Variants in ENKUR observed in about 807,000 individuals in gnomAD.
ENKUR encodes the protein enkurin.
A neutral mutation model predicts 27.6 loss-of-function variants in ENKUR; 19 were observed. That is an observed-to-expected ratio of 0.69 (90% CI 0.48 to 1.01). ENKUR has a LOEUF of 1.01. Ranked by LOEUF, ENKUR falls within the 50% of genes least tolerant of loss-of-function variation. The probability of loss-of-function intolerance (pLI) is 0.00; values close to 1 mark genes in which losing one functional copy is unlikely to be tolerated. For missense variants in ENKUR, 312 were observed against 310.5 expected (o/e 1.00, Z -0.04); for synonymous variants, 117 against 96.9 (o/e 1.21, Z -1.22).
intron 2 of ENKUR, chr10:25,023,821 C>T (rs773887054): frequency 6.8e-6 from 11 of 1,614,106 alleles, no homozygotes; most frequent in Middle Eastern, 1.7e-4. Flanking sequence ...GTATGATGCT[C>T]GTGTTTTCTG....
In ENKUR at chr10:24,988,058, T is replaced by C. The variant is rs186931276; in HGVS notation, c.594+2405A>G. Among the ~76,000 whole-genome samples, 657 of 151,494 alleles carry C rather than the reference T, an allele frequency of 4.3e-3. 4 individuals carry two copies. Among genetic ancestry groups the C allele is most frequent in the Non-Finnish European group, 7.6e-3 (517 of 67,896 alleles). Reference sequence around the variant, plus strand: ...CAACACAGCGAAACCCCATCTTTACTAAAAAATACAAAAAAATTAGGTGGG... The same window carrying C: ...CAACACAGCGAAACCCCATCTTTACCAAAAAATACAAAAAAATTAGGTGGG... On this transcript the variant is annotated intron_variant, in intron 4 of 5. Transcript: ENST00000331161.
chr10:25,053,416 T>A (rs1216745417), intron 2 of ENKUR, among the ~76,000 whole-genome samples: 2 of 152,196 alleles, frequency 1.3e-5, no homozygotes, highest in Admixed American at 1.3e-4. Flanking sequence ...TAACTGAAAC[T>A]GCACCCTTTG....
intron 3 of ENKUR, among the ~76,000 whole-genome samples, chr10:24,995,298 G>C (rs1850021953): frequency 6.6e-6 from 1 of 152,282 alleles, no homozygotes; most frequent in Non-Finnish European, 1.5e-5. Flanking sequence ...CCATCTGACA[G>C]CTTATTCCTT....
At chr10:25,051,558 G>A (rs985054564) in intron 2 of ENKUR, among the ~76,000 whole-genome samples, 2 of 152,244 alleles carry the variant, frequency 1.3e-5, no homozygotes, top group South Asian at 2.1e-4. Flanking sequence ...GGACAGGAGA[G>A]GTGCCACGCA....
intron 3 of ENKUR, among the ~76,000 whole-genome samples, chr10:24,993,877 G>A (rs1849980964): frequency 6.6e-6 from 1 of 152,174 alleles, no homozygotes; most frequent in African/African-American, 2.4e-5. Flanking sequence ...GTGGTGGCAT[G>A]ACCAGTAAAG....
intron 1 of ENKUR, among the ~76,000 whole-genome samples, chr10:25,003,177 A>ATTTATTTATTT (rs1564340716): frequency 6.9e-6 from 1 of 145,064 alleles, no homozygotes; most frequent in African/African-American, 2.5e-5. Context: ...TTAATTAATT[A>ATTTATTTATTT]ATTAATTTAT....
intron 2 of ENKUR, chr10:25,023,838 T>C (rs755720004): frequency 1.9e-6 from 3 of 1,614,180 alleles, no homozygotes; most frequent in Admixed American, 3.3e-5. Context: ...TCTGTGAAAG[T>C]GGGGCTTCCC....
intron 2 of ENKUR, among the ~76,000 whole-genome samples, chr10:25,058,643 G>A (rs1052168249): frequency 6.6e-6 from 1 of 152,114 alleles, no homozygotes; most frequent in African/African-American, 2.4e-5. Flanking sequence ...TTAGTAAGGA[G>A]GGGGAGGCCA....
At chr10:25,008,916 C>A (rs1850376512) in intron 1 of ENKUR, among the ~76,000 whole-genome samples, 1 of 152,194 alleles carries the variant, frequency 6.6e-6, no homozygotes, top group South Asian at 2.1e-4. Flanking sequence ...CCATGGAATA[C>A]TATGCAGCCA....
upstream of ENKUR, among the ~76,000 whole-genome samples, chr10:25,018,385 CTG>C (rs1440765368): frequency 6.6e-6 from 1 of 152,228 alleles, no homozygotes; most frequent in Non-Finnish European, 1.5e-5. Context: ...GATGAACAAA[CTG>C]TCTATAAAGG....
At chr10:25,007,601 A>AT (rs1195387762) in intron 1 of ENKUR, among the ~76,000 whole-genome samples, 1 of 152,032 alleles carries the variant, frequency 6.6e-6, no homozygotes, top group African/African-American at 2.4e-5. Context: ...CACCCGGGTA[A>AT]TTTTTTGTAT....
At chr10:25,002,170 T>C (rs1850201157) in intron 1 of ENKUR, among the ~76,000 whole-genome samples, 1 of 152,206 alleles carries the variant, frequency 6.6e-6, no homozygotes, top group African/African-American at 2.4e-5. Flanking sequence ...GCCCTGTGTA[T>C]TAGGAGGTGT....
At position 24,984,313 on chromosome 10, in the gene ENKUR, C is replaced by A. The variant is rs1413107305; in HGVS notation, c.*57G>T. On this transcript the variant is annotated 3_prime_UTR_variant, in exon 6 of 6. Transcript: ENST00000331161. ...GACAGTTTAGAGTAGCAAGAAGGCA[C>A]GTGTTACTATTTCCAGTTCAAAATA... 1.9e-6 allele frequency: 3 copies of A among 1,571,638 alleles called. No homozygotes were observed. The highest frequency in any genetic ancestry group is 1.4e-5 in the African/African-American group (1 of 72,152).
At chr10:24,998,759 G>C (rs1850121318) in intron 2 of ENKUR, among the ~76,000 whole-genome samples, 1 of 152,046 alleles carries the variant, frequency 6.6e-6, no homozygotes, top group Non-Finnish European at 1.5e-5. Flanking sequence ...CTGGGATCAA[G>C]TATATAATTT....
chr10:25,034,023 A>G (rs1850971451), intron 2 of ENKUR, among the ~76,000 whole-genome samples: 9 of 151,660 alleles, frequency 5.9e-5, no homozygotes, highest in Admixed American at 5.9e-4. Context: ...AAAGGAAAAT[A>G]CCAACAAACA....
At chr10:25,061,885 A>G in intron 1 of ENKUR, among the ~76,000 whole-genome samples, 1 of 152,162 alleles carries the variant, frequency 6.6e-6, no homozygotes, top group East Asian at 1.9e-4. Context: ...ATTCACTGCT[A>G]TGTTCTTTAT....
intron 4 of ENKUR, among the ~76,000 whole-genome samples, chr10:24,985,472 G>T (rs1849759298): frequency 6.6e-6 from 1 of 152,070 alleles, no homozygotes; most frequent in African/African-American, 2.4e-5. Flanking sequence ...AGAACCAATT[G>T]CCCTCCATAT....
At chr10:25,059,381 C>G (rs956599271) in intron 2 of ENKUR, among the ~76,000 whole-genome samples, 1 of 152,138 alleles carries the variant, frequency 6.6e-6, no homozygotes, top group African/African-American at 2.4e-5. Flanking sequence ...ATCCACCCGC[C>G]TCAGCCTCCC....
At chr10:25,017,638 A>G (rs1349588116), upstream of ENKUR, among the ~76,000 whole-genome samples, 1 of 128,138 alleles carries the variant, frequency 7.8e-6, no homozygotes, top group African/African-American at 3.1e-5. Context: ...TTTTTTTTGT[A>G]TACAGTTGAT....
Sources: gnomAD v4.1 joint callset for allele counts (sites outside exome capture counted in the v4.1 genomes callset) on GRCh38, gnomAD v4.1.1 for gene constraint, MANE v1.5 for transcripts, NCBI Gene and HGNC (gene_info 2026-07-23, HGNC 2026-07-21) for gene names.